TACR1: variants seen among roughly 807,000 people sequenced by gnomAD.
TACR1 encodes substance-P receptor.
A neutral mutation model predicts 35.8 loss-of-function variants in TACR1; 25 were observed. The observed-to-expected ratio is 0.70, with a 90% CI of 0.51 to 0.98. TACR1 has a LOEUF of 0.98. TACR1 is among the 50% of genes least tolerant of loss of function. The pLI is 0.00. For synonymous variants in TACR1, 195 were observed against 206.7 expected (o/e 0.94, Z 0.48); for missense variants, 478 against 522.9 (o/e 0.91, Z 0.84).
chr2:75,122,395 G>A (rs1008190927), intron 1 of TACR1, among the ~76,000 whole-genome samples: 8 of 152,126 alleles, frequency 5.3e-5, no homozygotes, highest in African/African-American at 1.7e-4. Context: ...GTAAACTTTA[G>A]AAACTTTTCT....
chr2:75,094,859 A>ATATATATATATATATATATATTTTTTTT, intron 2 of TACR1, among the ~76,000 whole-genome samples: 1 of 113,108 alleles, frequency 8.8e-6, no homozygotes, highest in African/African-American at 4.8e-5. Flanking sequence ...ATATATATAT[A>ATATATATATATATATATATATTTTTTTT]TTTTTTTTTT....
chr2:75,085,283 C>A (rs1236504606), intron 2 of TACR1, among the ~76,000 whole-genome samples: 5 of 152,066 alleles, frequency 3.3e-5, no homozygotes, highest in African/African-American at 1.2e-4. Flanking sequence ...CAGCCCCTTA[C>A]CCTCCATGAT....
At position 75,047,960 on chromosome 2, in the gene TACR1, G is replaced by C. The variant is rs1037953128; in HGVS notation, c.*1472C>G. On this transcript the variant is annotated 3_prime_UTR_variant, in exon 5 of 5. Transcript: ENST00000305249. ...TCCAGCCATATCTGGAAAAAACACA[G>C]ATTTGGGAGACAGAAAAAAAAACAA... 3 of 152,068 alleles carry C rather than the reference G, an allele frequency of 2.0e-5. No individual in the cohort carries two copies. Among genetic ancestry groups the C allele is most frequent in the African/African-American group, 7.2e-5 (3 of 41,394 alleles). The allele number at this position is 152,068 out of a possible 1,614,324, so 9.4% of individuals were successfully genotyped here. A position where few individuals can be genotyped will look rare whatever the true frequency, so the allele number is the denominator to read the frequency against.
chr2:75,049,033 T>C lies in TACR1; in HGVS notation c.*399A>G, dbSNP rs1672415109. On this transcript the variant is annotated 3_prime_UTR_variant, in exon 5 of 5. Coordinates refer to ENST00000305249, the MANE Select transcript of TACR1 (RefSeq NM_001058.4). ...CCAGCTGCAGGAGGCTAATCTGAGA[T>C]AACTTTATTGAAGTAACACGGGGCT... The C allele has an allele frequency of 5.7e-6, 1 of 174,322 alleles. No homozygotes were observed. The highest frequency in any genetic ancestry group is 1.2e-5 in the Non-Finnish European group (1 of 82,490). 10.8% of individuals were successfully genotyped at this position (174,322 alleles called of 1,614,324 possible).
At chr2:75,089,411 G>T (rs1413028869) in intron 2 of TACR1, among the ~76,000 whole-genome samples, 2 of 152,046 alleles carry the variant, frequency 1.3e-5, no homozygotes, top group Non-Finnish European at 2.9e-5. Flanking sequence ...CTTTTCATTG[G>T]ACTCCTCCTG....
chr2:75,194,250 C>T (rs1437522791), intron 1 of TACR1, among the ~76,000 whole-genome samples: 1 of 152,052 alleles, frequency 6.6e-6, no homozygotes. Context: ...TCTAAATGAC[C>T]CATCTGAGAA....
chr2:75,192,661 T>C (rs886832680), intron 1 of TACR1, among the ~76,000 whole-genome samples: 1 of 152,160 alleles, frequency 6.6e-6, no homozygotes, highest in African/African-American at 2.4e-5. Flanking sequence ...TGCAGGAGCA[T>C]GTAGGCAGAT....
At chr2:75,149,492 T>A (rs1674624395) in intron 1 of TACR1, among the ~76,000 whole-genome samples, 1 of 152,164 alleles carries the variant, frequency 6.6e-6, no homozygotes, top group South Asian at 2.1e-4. Flanking sequence ...TTTGATTCTC[T>A]TTGTAGCAAT....
At chr2:75,148,018 T>G (rs1191043389) in intron 1 of TACR1, among the ~76,000 whole-genome samples, 2 of 152,040 alleles carry the variant, frequency 1.3e-5, no homozygotes, top group Non-Finnish European at 2.9e-5. Flanking sequence ...AGTGCTGCGA[T>G]TACAGTTGTG....
At chr2:75,120,445 A>T in intron 2 of TACR1, 129 bp downstream of exon 2, 1 of 828,868 alleles carries the variant, frequency 1.2e-6, no homozygotes, top group Admixed American at 2.9e-5. Flanking sequence ...GGTATATGTG[A>T]GAAATGCTTG....
chr2:75,099,855 A>G (rs543542136), intron 2 of TACR1, among the ~76,000 whole-genome samples: 11 of 152,298 alleles, frequency 7.2e-5, no homozygotes, highest in African/African-American at 2.6e-4. Context: ...AAATCCATCT[A>G]TGAGCTTATG....
intron 2 of TACR1, among the ~76,000 whole-genome samples, chr2:75,105,146 A>G (rs1302082555): frequency 2.6e-5 from 4 of 152,108 alleles, no homozygotes; most frequent in African/African-American, 7.2e-5. Flanking sequence ...GTGTTCCTCA[A>G]TGGATTAATA....
At position 75,063,565 on chromosome 2, in the gene TACR1, G is replaced by A. The variant is rs2103801381; in HGVS notation, c.585-9810C>T. Among the ~76,000 whole-genome samples, 2 of 152,248 alleles carry A rather than the reference G, an allele frequency of 1.3e-5. 1 individual carries two copies. Among genetic ancestry groups the A allele is most frequent in the South Asian group, 4.2e-4 (2 of 4,816 alleles). ...TTATTGGATACTCTATCCTTTTCCT[G>A]ATGATTTAAATTTGCACTTGGACCA... On this transcript the variant is annotated intron_variant, in intron 2 of 4. Transcript: ENST00000305249.
chr2:75,127,460 G>A (rs886504317), intron 1 of TACR1, among the ~76,000 whole-genome samples: 1 of 152,182 alleles, frequency 6.6e-6, no homozygotes, highest in Non-Finnish European at 1.5e-5. Flanking sequence ...ATGAGGTTTT[G>A]ATCTCCATGC....
chr2:75,072,946 T>G (rs1217640185), intron 2 of TACR1, among the ~76,000 whole-genome samples: 1 of 146,504 alleles, frequency 6.8e-6, no homozygotes, highest in South Asian at 2.2e-4. Context: ...ATTAAAAAAC[T>G]AAGCTGAGCT....
intron 1 of TACR1, among the ~76,000 whole-genome samples, chr2:75,149,913 C>T (rs552951001): frequency 2.2e-4 from 34 of 152,184 alleles, no homozygotes; most frequent in Admixed American, 6.5e-4. Context: ...AGATATGTTC[C>T]GTCAATACCT....
intron 2 of TACR1, among the ~76,000 whole-genome samples, chr2:75,096,740 T>C (rs1673432092): frequency 6.6e-6 from 1 of 152,228 alleles, no homozygotes; most frequent in African/African-American, 2.4e-5. Flanking sequence ...CACTTCTTTC[T>C]GTCAGTGACC....
intron 1 of TACR1, among the ~76,000 whole-genome samples, chr2:75,130,176 C>T (rs1295202172): frequency 6.6e-6 from 1 of 151,898 alleles, no homozygotes; most frequent in Non-Finnish European, 1.5e-5. Context: ...AATTTTGCAC[C>T]CCAGGCAAAT....
chr2:75,103,888 G>A (rs1485507307), intron 2 of TACR1, among the ~76,000 whole-genome samples: 1 of 151,898 alleles, frequency 6.6e-6, no homozygotes, highest in African/African-American at 2.4e-5. Context: ...TAACCACAAA[G>A]CAGAAACATA....
Sources: gnomAD v4.1 joint callset for allele counts (sites outside exome capture counted in the v4.1 genomes callset) on GRCh38, gnomAD v4.1.1 for gene constraint, MANE v1.5 for transcripts, NCBI Gene and HGNC (gene_info 2026-07-23, HGNC 2026-07-21) for gene names.